CSMD1: variants seen among roughly 807,000 people sequenced by gnomAD.
CSMD1 encodes CUB and Sushi multiple domains 1.
A neutral mutation model predicts 417.5 loss-of-function variants in CSMD1; 213 were observed. The ratio of observed to expected loss-of-function variants is 0.51; its 90% confidence interval spans 0.46 to 0.57. The LOEUF (loss-of-function observed/expected upper bound fraction) is 0.57. Among genes scored for constraint, CSMD1 ranks in the 20% least tolerant of loss-of-function variants. The pLI, the probability that CSMD1 is intolerant of heterozygous loss-of-function variation, is 0.00. For missense variants in CSMD1, 6,923 were observed against 4,529.7 expected (o/e 1.53, Z -15.17); for synonymous variants, 2,862 against 1,736.8 (o/e 1.65, Z -16.11).
intron 8 of CSMD1, among the ~76,000 whole-genome samples, chr8:3,608,571 G>A (rs190089625): frequency 1.3e-5 from 2 of 152,152 alleles, no homozygotes; most frequent in East Asian, 3.9e-4. Context: ...AGACGAGCCT[G>A]GCCAACATAG....
At chr8:4,097,161 T>C (rs763475073) in intron 3 of CSMD1, among the ~76,000 whole-genome samples, 6 of 152,184 alleles carry the variant, frequency 3.9e-5, no homozygotes, top group Non-Finnish European at 7.3e-5. Flanking sequence ...TCTGTCATGC[T>C]TACCATTATA....
intron 5 of CSMD1, among the ~76,000 whole-genome samples, chr8:3,783,316 G>A (rs906609297): frequency 1.3e-5 from 2 of 152,222 alleles, no homozygotes; most frequent in Non-Finnish European, 2.9e-5. Flanking sequence ...GGGAAACACA[G>A]TGCAGATGGC....
Position 4,186,717 on chromosome 8 carries a change from T to C in CSMD1, c.416-154618A>G, listed in dbSNP as rs1406343461. ...AAATATTTTTTTCAGCGGCGTACGG[T>C]CGCTCACACCTGTAATCCCAGCAAT... On this transcript the variant is annotated intron_variant, in intron 3 of 69. Coordinates refer to ENST00000635120, the MANE Select transcript of CSMD1 (RefSeq NM_033225.6). Among the ~76,000 whole-genome samples, 19 of 152,048 alleles carry C rather than the reference T, an allele frequency of 1.2e-4. 1 individual carries two copies. The highest frequency in any genetic ancestry group is 3.4e-3 in the Middle Eastern group (1 of 294).
At chr8:4,175,828 A>C (rs991157226) in intron 3 of CSMD1, among the ~76,000 whole-genome samples, 1 of 152,228 alleles carries the variant, frequency 6.6e-6, no homozygotes, top group Non-Finnish European at 1.5e-5. Flanking sequence ...AAGTATGCAG[A>C]GTGAAAGTAA....
rs866212084 is a variant in CSMD1 at position 4,764,995 on chromosome 8, C to A, written c.86-127437G>T. On this transcript the variant is annotated intron_variant, in intron 1 of 69. Coordinates refer to ENST00000635120, the MANE Select transcript of CSMD1 (RefSeq NM_033225.6). Reference sequence around the variant, plus strand: ...AAATTCTAGAGCTGTTTATTGAATACCCTGGAATGGCTATTTCTTGTTTAA... The same window carrying A: ...AAATTCTAGAGCTGTTTATTGAATAACCTGGAATGGCTATTTCTTGTTTAA... Among the ~76,000 whole-genome samples, 10 of 150,908 alleles carry A rather than the reference C, an allele frequency of 6.6e-5. No homozygotes were observed. In the East Asian group the frequency reaches 1.2e-3, roughly 18 times the overall value.
intron 2 of CSMD1, among the ~76,000 whole-genome samples, chr8:4,445,973 G>C (rs1460439601): frequency 1.3e-5 from 2 of 152,130 alleles, no homozygotes; most frequent in Non-Finnish European, 2.9e-5. Flanking sequence ...CGAAAGGATA[G>C]CAACAATGTC....
At chr8:3,629,256 G>A (rs1412611302) in intron 7 of CSMD1, among the ~76,000 whole-genome samples, 2 of 152,104 alleles carry the variant, frequency 1.3e-5, no homozygotes, top group Admixed American at 1.3e-4. Context: ...GTCAAACCAT[G>A]AAGACCCTTT....
chr8:4,869,266 A>G (rs1423433593), intron 1 of CSMD1, among the ~76,000 whole-genome samples: 1 of 152,026 alleles, frequency 6.6e-6, no homozygotes, highest in Non-Finnish European at 1.5e-5. Flanking sequence ...ATTATCATTT[A>G]ACATAGTGCT....
chr8:2,955,466 G>A (rs1344244707), intron 64 of CSMD1, 123 bp downstream of exon 64: 3 of 831,922 alleles, frequency 3.6e-6, no homozygotes, highest in Admixed American at 2.7e-5. Flanking sequence ...ACTGAGGCAG[G>A]TGGCGATGCT....
intron 4 of CSMD1, among the ~76,000 whole-genome samples, chr8:4,006,509 A>T (rs1377905375): frequency 2.0e-5 from 3 of 152,218 alleles, no homozygotes; most frequent in African/African-American, 4.8e-5. Context: ...ACCCCACTGC[A>T]CTTGGCCTGA....
intron 1 of CSMD1, chr8:4,787,456 T>A: frequency 1.3e-6 from 1 of 783,874 alleles, no homozygotes; most frequent in Non-Finnish European, 2.2e-6. Flanking sequence ...CTAGAAAGAA[T>A]CACCTGGAAG....
At chr8:4,388,142 T>G (rs1315339819) in intron 3 of CSMD1, among the ~76,000 whole-genome samples, 2 of 152,144 alleles carry the variant, frequency 1.3e-5, no homozygotes, top group Non-Finnish European at 2.9e-5. Context: ...TTTAAAAACT[T>G]ACTTCTACCA....
In CSMD1 at chr8:4,961,544, T is replaced by A. The variant is rs137985191; in HGVS notation, c.85+32788A>T. Among the ~76,000 whole-genome samples the A allele has an allele frequency of 3.8e-3, 572 of 152,308 alleles. 5 individuals are homozygous for A. The highest frequency in any genetic ancestry group is 0.013 in the African/African-American group (546 of 41,572). On this transcript the variant is annotated intron_variant, in intron 1 of 69. Coordinates refer to ENST00000635120, the MANE Select transcript of CSMD1 (RefSeq NM_033225.6). ...TGGCTAGTTTGAAAATTAGTTCCTC[T>A]TAGAATTTTGAAGACGTTAACCATT...
At chr8:3,388,053 A>G (rs970165295) in intron 17 of CSMD1, among the ~76,000 whole-genome samples, 1 of 152,206 alleles carries the variant, frequency 6.6e-6, no homozygotes, top group African/African-American at 2.4e-5. Flanking sequence ...TTATATATGT[A>G]TTAAATATAG....
Position 4,817,411 on chromosome 8 carries a change from G to C in CSMD1, c.85+176921C>G, listed in dbSNP as rs559526581. ...CTTGGCAACCTACGTCAAGTCTCTG[G>C]CACAGCACAGCAAGTGTTTTCATAG... is the stretch of plus-strand genomic sequence containing the variant. On this transcript the variant is annotated intron_variant, in intron 1 of 69. Coordinates refer to ENST00000635120, the MANE Select transcript of CSMD1 (RefSeq NM_033225.6). 4.6e-5 allele frequency among the ~76,000 whole-genome samples: 7 copies of C among 152,280 alleles called. No homozygotes were observed. The East Asian group carries it at 1.4e-3, about 29-fold the overall frequency.
At chr8:3,810,982 C>T (rs953097788) in intron 5 of CSMD1, among the ~76,000 whole-genome samples, 1 of 152,154 alleles carries the variant, frequency 6.6e-6, no homozygotes, top group Non-Finnish European at 1.5e-5. Context: ...AGTACAAGTA[C>T]TTTAAAGCTA....
chr8:4,172,412 C>A (rs535059525), intron 3 of CSMD1, among the ~76,000 whole-genome samples: 6 of 152,162 alleles, frequency 3.9e-5, no homozygotes, highest in African/African-American at 1.4e-4. Flanking sequence ...GGTCTCATGG[C>A]TCCCGCGTTA....
chr8:2,950,942 GAAAAT>G (rs1195979572), intron 66 of CSMD1, among the ~76,000 whole-genome samples, 167 bp downstream of exon 66: 2 of 152,098 alleles, frequency 1.3e-5, no homozygotes, highest in African/African-American at 4.8e-5. Flanking sequence ...TCTAAAATAA[GAAAAT>G]AATACCAACC....
Position 4,604,314 on chromosome 8 carries a change from A to G in CSMD1, c.302+33028T>C, listed in dbSNP as rs556921108. Among the ~76,000 whole-genome samples, 17 of 151,522 alleles carry G rather than the reference A, an allele frequency of 1.1e-4. 1 individual carries two copies. The highest frequency in any genetic ancestry group is 4.1e-4 in the African/African-American group (17 of 41,374). On this transcript the variant is annotated intron_variant, in intron 2 of 69. Transcript: ENST00000635120. Reference sequence around the variant, plus strand: ...TGGTGTCTATATAACAGGAATATGCATTAAATGGTTATATATACAATATAT... The same window carrying G: ...TGGTGTCTATATAACAGGAATATGCGTTAAATGGTTATATATACAATATAT...
Sources: gnomAD v4.1 joint callset for allele counts (sites outside exome capture counted in the v4.1 genomes callset) on GRCh38, gnomAD v4.1.1 for gene constraint, MANE v1.5 for transcripts, NCBI Gene and HGNC (gene_info 2026-07-23, HGNC 2026-07-21) for gene names.